MYO16: variants seen among roughly 807,000 people sequenced by gnomAD.
The protein encoded by MYO16 is myosin XVI.
A neutral mutation model predicts 205.3 loss-of-function variants in MYO16; 94 were observed. The observed-to-expected ratio is 0.46, with a 90% CI of 0.39 to 0.54. The LOEUF (loss-of-function observed/expected upper bound fraction) is 0.54, where lower values mean the gene tolerates loss of function less well. Ranked by LOEUF, MYO16 falls within the 20% of genes least tolerant of loss-of-function variation. The pLI is 0.00. For missense variants in MYO16, 2,315 were observed against 2,387.5 expected (o/e 0.97, Z 0.63); for synonymous variants, 988 against 954.0 (o/e 1.04, Z -0.66).
intron 33 of MYO16, among the ~76,000 whole-genome samples, chr13:109,173,503 G>A (rs1275814759): frequency 6.6e-6 from 1 of 152,132 alleles, no homozygotes; most frequent in African/African-American, 2.4e-5. Context: ...AATGTATTGT[G>A]GCAGAAATGT....
At chr13:108,675,724 G>A (rs1351710310) in intron 2 of MYO16, among the ~76,000 whole-genome samples, 1 of 152,176 alleles carries the variant, frequency 6.6e-6, no homozygotes, top group East Asian at 1.9e-4. Flanking sequence ...CTTTTTGGCT[G>A]TAATCAATAG....
chr13:108,535,354 G>T, the MYO16 span, among the ~76,000 whole-genome samples: 6 of 152,014 alleles, frequency 3.9e-5, no homozygotes, highest in Non-Finnish European at 8.8e-5. Flanking sequence ...TTTCCTATCT[G>T]TTGACTGACA....
intron 1 of MYO16, among the ~76,000 whole-genome samples, chr13:108,644,358 GTCTGTCTATCTATCTA>G (rs1426783420): frequency 3.2e-5 from 4 of 124,274 alleles, no homozygotes; most frequent in African/African-American, 6.5e-5. Context: ...CTATCTGTCT[GTCTGTCTATCTATCTA>G]TCTATCTATC....
intron 12 of MYO16, among the ~76,000 whole-genome samples, chr13:108,882,490 T>G (rs1192979040): frequency 1.3e-5 from 2 of 152,206 alleles, no homozygotes; most frequent in Non-Finnish European, 2.9e-5. Context: ...TTCCTACTCT[T>G]GAGTTTTTAT....
chr13:108,883,042 G>C lies in MYO16; in HGVS notation c.1426-17G>C, dbSNP rs370361362. ...TTTTCACTGAGGTTTTCCCCTTGCTGCTGCCCTGTTTTCCAGGTGTCCCAG... is the reference window on the plus strand; with the variant it reads ...TTTTCACTGAGGTTTTCCCCTTGCTCCTGCCCTGTTTTCCAGGTGTCCCAG... On this transcript the variant is annotated splice_polypyrimidine_tract_variant and intron_variant, in intron 12 of 34. Transcript: ENST00000457511. 3 of 1,613,128 alleles carry C rather than the reference G, an allele frequency of 1.9e-6. No homozygotes were observed. The highest frequency in any genetic ancestry group is 2.5e-6 in the Non-Finnish European group (3 of 1,179,444).
At chr13:108,810,372 G>A (rs140096708) in intron 7 of MYO16, among the ~76,000 whole-genome samples, 2,439 of 152,210 alleles carry the variant, frequency 0.016, 30 homozygotes, top group Admixed American at 0.027. Flanking sequence ...AGAATCAGGT[G>A]CAAAACTGGA....
rs113911178 is a variant in MYO16 at position 108,917,746 on chromosome 13, C to A, written c.1925+7596C>A. On this transcript the variant is annotated intron_variant, in intron 16 of 34. Coordinates refer to ENST00000457511, the MANE Select transcript of MYO16 (RefSeq NM_001198950.3). ...TGGCCAGAGGCCCTATATTTGTGGT[C>A]TGAATATATCTCAAAAATTCAGACT... is the stretch of plus-strand genomic sequence containing the variant. 3.6e-3 allele frequency among the ~76,000 whole-genome samples: 555 copies of A among 152,346 alleles called. 2 individuals are homozygous for A. The Middle Eastern group carries it at 0.037, about 10-fold the overall frequency.
the MYO16 span, among the ~76,000 whole-genome samples, chr13:108,551,902 GA>G: frequency 6.6e-6 from 1 of 152,158 alleles, no homozygotes; most frequent in African/African-American, 2.4e-5. Flanking sequence ...TTGAAAGACA[GA>G]AAATATCACA....
intron 33 of MYO16, among the ~76,000 whole-genome samples, chr13:109,168,144 G>A (rs1302286847): frequency 6.6e-6 from 1 of 152,004 alleles, no homozygotes; most frequent in East Asian, 1.9e-4. Context: ...GATGCAAAAA[G>A]GGGATAAAAT....
In MYO16 at chr13:109,140,912, G is replaced by C. The variant is rs1211761596; in HGVS notation, c.4700G>C (p.Ser1567Thr). Residue 1567 changes from serine to threonine, a missense_variant, in exon 32 of 35, where the codon AGC (serine) becomes ACC (threonine). This residue lies in a region of MYO16 where 1,097 missense variants were observed against 1,092.0 expected (regional missense o/e 1.00). Coordinates refer to ENST00000457511, the MANE Select transcript of MYO16 (RefSeq NM_001198950.3). The surrounding 1 kb of genome is among the most constrained non-coding windows in gnomAD (Gnocchi z 8.0). ...CCGCTGTCCCCGCAGTACTCCAAGA[G>C]CCAGAAGGGCGACGGCGACAGGCCC... ...SSPLSPQYSKSQKGDGDRPAS... is the reference protein window; with the variant it reads ...SSPLSPQYSKTQKGDGDRPAS... 5.1e-6 allele frequency: 8 copies of C among 1,576,502 alleles called. No individual in the cohort carries two copies. The highest frequency in any genetic ancestry group is 6.0e-6 in the Non-Finnish European group (7 of 1,163,982).
chr13:109,076,745 G>A (rs1888119762), intron 27 of MYO16, among the ~76,000 whole-genome samples: 1 of 152,152 alleles, frequency 6.6e-6, no homozygotes, highest in South Asian at 2.1e-4. Context: ...TGAGCCTGCA[G>A]CATGACGCCA....
intron 9 of MYO16, among the ~76,000 whole-genome samples, chr13:108,835,979 A>G (rs1876894704): frequency 6.6e-6 from 1 of 152,216 alleles, no homozygotes; most frequent in African/African-American, 2.4e-5. Flanking sequence ...AAATTTGCAT[A>G]AGTAACAAGG....
chr13:109,112,717 T>G (rs1349969744), intron 28 of MYO16, among the ~76,000 whole-genome samples: 1 of 152,132 alleles, frequency 6.6e-6, no homozygotes, highest in African/African-American at 2.4e-5. Flanking sequence ...ATCATGCCAT[T>G]GCACTCCAGC....
chr13:108,815,005 A>G lies in MYO16; in HGVS notation c.868-5332A>G, dbSNP rs77736477. 2.3e-4 allele frequency among the ~76,000 whole-genome samples: 35 copies of G among 152,338 alleles called. 1 individual carries two copies. In the East Asian group the frequency reaches 6.6e-3, roughly 29 times the overall value. On this transcript the variant is annotated intron_variant, in intron 7 of 34. Transcript: ENST00000457511. ...TAATGAAAATAGCAAAGAATCTCCA[A>G]AAAACTTTAAAAATTAGAACTGTTA...
Position 109,019,787 on chromosome 13 carries a change from A to C in MYO16, c.2672A>C (p.Lys891Thr), listed in dbSNP as rs753057664. The C allele has an allele frequency of 1.2e-6, 2 of 1,614,170 alleles. No homozygotes were observed. Among genetic ancestry groups the C allele is most frequent in the East Asian group, 2.2e-5 (1 of 44,878 alleles). Reference sequence around the variant, plus strand: ...TCAGTGGAATCAAATTTTCCAAAAAAACTACAAAGTCTCCTAGAATCCTCA... The same window carrying C: ...TCAGTGGAATCAAATTTTCCAAAAACACTACAAAGTCTCCTAGAATCCTCA... The part of the protein sequence containing the change: ...IWSVESNFPK[K>T]LQSLLESSNT... Residue 891 changes from lysine to threonine, a missense_variant, in exon 23 of 35, where the codon AAA becomes ACA. Coordinates refer to ENST00000457511, the MANE Select transcript of MYO16 (RefSeq NM_001198950.3).
At chr13:108,658,973 C>CT (rs1312577102) in intron 1 of MYO16, among the ~76,000 whole-genome samples, 1 of 151,902 alleles carries the variant, frequency 6.6e-6, no homozygotes, top group Non-Finnish European at 1.5e-5. Flanking sequence ...ATCTTGAACA[C>CT]TGAGAGTACC....
chr13:109,025,936 T>C (rs113075886), intron 23 of MYO16, among the ~76,000 whole-genome samples: 2,576 of 152,318 alleles, frequency 0.017, 74 homozygotes, highest in African/African-American at 0.059. Context: ...ATATGAGCCT[T>C]GTTTGTTGTC....
chr13:108,549,076 T>C, the MYO16 span, among the ~76,000 whole-genome samples: 2 of 152,164 alleles, frequency 1.3e-5, no homozygotes, highest in South Asian at 2.1e-4. Context: ...TCTTACTGAT[T>C]GTTAGATTCC....
chr13:109,109,355 G>A (rs542261212), intron 28 of MYO16, among the ~76,000 whole-genome samples: 74 of 152,274 alleles, frequency 4.9e-4, no homozygotes, highest in Non-Finnish European at 8.7e-4. Flanking sequence ...TAAATGGTTC[G>A]GAACCAGTGG....
Sources: gnomAD v4.1 joint callset for allele counts (sites outside exome capture counted in the v4.1 genomes callset) on GRCh38, gnomAD v4.1.1 for gene constraint, gnomAD v4.1.1 regional missense constraint, Gnocchi (gnomAD v3.1) non-coding constraint, MANE v1.5 for transcripts, NCBI Gene and HGNC (gene_info 2026-07-23, HGNC 2026-07-21) for gene names.